WWOX: variants seen among roughly 807,000 people sequenced by gnomAD.
The protein encoded by WWOX is WW domain containing oxidoreductase.
In WWOX, 69 loss-of-function variants were observed where a neutral mutation model predicts 46.2. The observed-to-expected ratio is 1.49, with a 90% CI of 1.23 to 1.82. The LOEUF is 1.82. Among genes scored for constraint, WWOX ranks in the 40% most tolerant of loss-of-function variants. The pLI, the probability that WWOX is intolerant of heterozygous loss-of-function variation, is 0.00. For missense variants in WWOX, 919 were observed against 542.6 expected (o/e 1.69, Z -6.89); for synonymous variants, 359 against 202.6 (o/e 1.77, Z -6.56).
At chr16:78,994,745 A>C (rs377470614) in intron 8 of WWOX, among the ~76,000 whole-genome samples, 1 of 152,006 alleles carries the variant, frequency 6.6e-6, no homozygotes, top group East Asian at 1.9e-4. Flanking sequence ...ATGGCAGGGA[A>C]ACGAAGGCAG....
chr16:78,122,074 A>C (rs1418433489), intron 4 of WWOX, among the ~76,000 whole-genome samples: 1 of 152,146 alleles, frequency 6.6e-6, no homozygotes, highest in African/African-American at 2.4e-5. Flanking sequence ...TATACAGTAC[A>C]TTGTTATAGT....
chr16:79,019,157 C>CAAAAAAAAAAAAAAAAAAA (rs903333994), intron 8 of WWOX, among the ~76,000 whole-genome samples: 41 of 24,574 alleles, frequency 1.7e-3, no homozygotes, highest in African/African-American at 2.5e-3. Context: ...GACCTTGTCT[C>CAAAAAAAAAAAAAAAAAAA]AAAAAAAAAA....
intron 8 of WWOX, among the ~76,000 whole-genome samples, chr16:78,554,131 C>G (rs536563903): frequency 6.6e-6 from 1 of 152,158 alleles, no homozygotes; most frequent in Non-Finnish European, 1.5e-5. Context: ...TTATCAGCTT[C>G]TTGCTACCAT....
At chr16:78,783,840 A>G (rs1028684825) in intron 8 of WWOX, among the ~76,000 whole-genome samples, 4 of 151,284 alleles carry the variant, frequency 2.6e-5, no homozygotes, top group African/African-American at 7.3e-5. Flanking sequence ...GATGGTGGTG[A>G]TGATGATGGT....
At chr16:78,895,000 C>T (rs2044670774) in intron 8 of WWOX, among the ~76,000 whole-genome samples, 1 of 152,138 alleles carries the variant, frequency 6.6e-6, no homozygotes, top group South Asian at 2.1e-4. Flanking sequence ...GCTGGAGATC[C>T]CATCATGCCG....
intron 8 of WWOX, among the ~76,000 whole-genome samples, chr16:78,529,531 A>G (rs2043567555): frequency 6.6e-6 from 1 of 151,842 alleles, no homozygotes; most frequent in African/African-American, 2.4e-5. Context: ...CAATGGCAAG[A>G]TCCCTGCTCA....
chr16:79,040,322 T>C (rs1273209301), intron 8 of WWOX, among the ~76,000 whole-genome samples: 2 of 148,678 alleles, frequency 1.3e-5, no homozygotes, highest in African/African-American at 5.0e-5. Flanking sequence ...TTGCCCAGAC[T>C]GGAGTGCGGT....
intron 8 of WWOX, among the ~76,000 whole-genome samples, chr16:78,651,446 G>A (rs191759357): frequency 1.3e-5 from 2 of 152,360 alleles, no homozygotes; most frequent in East Asian, 3.9e-4. Context: ...CTGGAGGTCA[G>A]AAGCCATGCA....
At chr16:79,139,455 A>T (rs2050045995) in intron 8 of WWOX, among the ~76,000 whole-genome samples, 1 of 152,174 alleles carries the variant, frequency 6.6e-6, no homozygotes, top group Non-Finnish European at 1.5e-5. Flanking sequence ...GAGCTGCTTT[A>T]TATTTTTCAA....
intron 8 of WWOX, among the ~76,000 whole-genome samples, chr16:79,137,871 C>T (rs969155252): frequency 6.6e-6 from 1 of 151,792 alleles, no homozygotes; most frequent in African/African-American, 2.4e-5. Flanking sequence ...CCTCCACAAA[C>T]ACAAGACCAA....
At position 78,609,526 on chromosome 16, in the gene WWOX, TTTTC is replaced by T. The variant is rs553074630; in HGVS notation, c.1056+176786_1056+176789del. The stretch of plus-strand genomic sequence containing the variant: ...AGTCACATGCCTCTGAGGTTTTTTT[TTTTC>T]TTTCTTTCTTTTCTTTTTTTTTCTT... On this transcript the variant is annotated intron_variant, in intron 8 of 8. Coordinates refer to ENST00000566780, the MANE Select transcript of WWOX (RefSeq NM_016373.4). Among the ~76,000 whole-genome samples the T allele has an allele frequency of 7.8e-4, 119 of 152,014 alleles. 1 individual carries two copies. In the East Asian group the frequency reaches 0.02, roughly 25 times the overall value.
intron 5 of WWOX, among the ~76,000 whole-genome samples, chr16:78,196,631 A>G (rs2036061425): frequency 1.3e-5 from 2 of 152,194 alleles, no homozygotes; most frequent in South Asian, 2.1e-4. Flanking sequence ...TTTGGAACCA[A>G]TTAGGGCGAA....
chr16:78,117,563 G>C (rs1304622111), intron 4 of WWOX, among the ~76,000 whole-genome samples: 1 of 152,176 alleles, frequency 6.6e-6, no homozygotes, highest in African/African-American at 2.4e-5. Context: ...ACATGGCTTT[G>C]CTAAGTTAGC....
chr16:78,349,463 C>A (rs1175329272), intron 5 of WWOX, among the ~76,000 whole-genome samples: 1 of 120,572 alleles, frequency 8.3e-6, no homozygotes, highest in Non-Finnish European at 2.0e-5. Context: ...TTTTCAGAGA[C>A]CATCTGCATC....
intron 5 of WWOX, among the ~76,000 whole-genome samples, chr16:78,234,043 C>T (rs1597382573): frequency 2.6e-5 from 4 of 151,990 alleles, no homozygotes; most frequent in South Asian, 2.1e-4. Flanking sequence ...GATGGCAGGT[C>T]GTGGGACCAG....
rs183087111 is a variant in WWOX at position 78,922,898 on chromosome 16, T to C, written c.1057-288710T>C. Among the ~76,000 whole-genome samples, 18 of 152,240 alleles carry C rather than the reference T, an allele frequency of 1.2e-4. No individual in the cohort carries two copies. In the East Asian group the frequency reaches 3.1e-3, roughly 26 times the overall value. On this transcript the variant is annotated intron_variant, in intron 8 of 8. Transcript: ENST00000566780. The stretch of plus-strand genomic sequence containing the variant: ...TATTAATCATACTAAAAATAAGAAC[T>C]TAAAACTAAATTTTTATTTGCCTAG...
intron 8 of WWOX, among the ~76,000 whole-genome samples, chr16:78,935,863 C>G (rs1214583135): frequency 3.3e-5 from 5 of 151,954 alleles, no homozygotes; most frequent in Admixed American, 6.6e-5. Context: ...AGTGAGCTCA[C>G]ATCACACCAC....
intron 5 of WWOX, among the ~76,000 whole-genome samples, chr16:78,236,911 C>G (rs571645482): frequency 3.9e-4 from 60 of 152,064 alleles, no homozygotes; most frequent in Admixed American, 3.9e-4. Flanking sequence ...CCTATCTCTA[C>G]TAAAAATACA....
intron 5 of WWOX, among the ~76,000 whole-genome samples, chr16:78,193,130 T>C (rs2035934887): frequency 6.6e-6 from 1 of 152,220 alleles, no homozygotes; most frequent in African/African-American, 2.4e-5. Flanking sequence ...CTTCTGTTCA[T>C]ACATTGTTGT....
Sources: allele counts gnomAD v4.1 joint callset (sites outside exome capture counted in the v4.1 genomes callset), GRCh38; gene constraint gnomAD v4.1.1; transcripts MANE v1.5; gene names NCBI Gene and HGNC (gene_info 2026-07-23, HGNC 2026-07-21).